The following MIB2 variants were observed in gnomAD, a reference collection of about 807,000 sequenced individuals.
MIB2 encodes MIB E3 ubiquitin protein ligase 2, also known as E3 ubiquitin-protein ligase MIB2.
Under a neutral mutation model 96.6 loss-of-function variants are expected in MIB2, and 78 were observed. The observed-to-expected ratio is 0.81, with a 90% CI of 0.67 to 0.97. The LOEUF (loss-of-function observed/expected upper bound fraction) is 0.97. MIB2 is among the 50% of genes least tolerant of loss of function. The pLI, the probability that MIB2 is intolerant of heterozygous loss-of-function variation, is 0.00. For synonymous variants in MIB2, 820 were observed against 629.5 expected (o/e 1.30, Z -4.53); for missense variants, 1,543 against 1,424.0 (o/e 1.08, Z -1.35).
At position 1,629,687 on chromosome 1, in the gene MIB2, G is replaced by A. The variant is rs1286290483; in HGVS notation, c.2612G>A (p.Ser871Asn). 3.1e-6 allele frequency: 5 copies of A among 1,598,396 alleles called. No individual in the cohort carries two copies. Among genetic ancestry groups the A allele is most frequent in the East Asian group, 2.3e-5 (1 of 43,720 alleles). The part of the protein sequence containing the change: ...KKCIRCQVVV[S>N]KKLRPDGSEV... ...TGCATCAGGTGCCAGGTGGTCGTCAGCAAGAAACTGCGCCCAGGTGGGTGA... is the reference window on the plus strand; with the variant it reads ...TGCATCAGGTGCCAGGTGGTCGTCAACAAGAAACTGCGCCCAGGTGGGTGA... Residue 871 changes from serine to asparagine, a missense_variant, in exon 19 of 20, where the codon AGC becomes AAC. Ser to Asn is a conservative substitution (Grantham distance 46). Coordinates refer to ENST00000355826, the MANE Select transcript of MIB2 (RefSeq NM_001170687.4).
chr1:1,621,312 TG>T (rs1644242590), intron 2 of MIB2, among the ~76,000 whole-genome samples: 1 of 152,168 alleles, frequency 6.6e-6, no homozygotes, highest in South Asian at 2.1e-4. Context: ...CTGCCGGCTG[TG>T]GAAGCCGCTC....
chr1:1,624,604 G>A, intron 4 of MIB2, 191 bp from the exon 5 acceptor site: 1 of 658,222 alleles, frequency 1.5e-6, no homozygotes, highest in South Asian at 1.7e-5. Flanking sequence ...GAGCCCAGGG[G>A]CATTTCCTCA....
rs907467643 is a variant in MIB2 at position 1,627,375 on chromosome 1, T to C, written c.1454T>C (p.Leu485Pro). Reference sequence around the variant, plus strand: ...CAGGTGGAGTTGATACGGCTGCTGCTACAAGCCAGGGCGGGCGTGGACCTG... The same window carrying C: ...CAGGTGGAGTTGATACGGCTGCTGCCACAAGCCAGGGCGGGCGTGGACCTG... ...LGQVELIRLL[L>P]QARAGVDLPD... Residue 485 changes from leucine (L) to proline (P), a missense_variant, in exon 12 of 20, where the codon CTA (leucine) becomes CCA (proline). Coordinates refer to ENST00000355826, the MANE Select transcript of MIB2 (RefSeq NM_001170687.4). 2 of 1,612,778 alleles carry C rather than the reference T, an allele frequency of 1.2e-6. No individual in the cohort carries two copies. Among genetic ancestry groups the C allele is most frequent in the African/African-American group, 1.3e-5 (1 of 74,882 alleles).
rs1011494623 is a variant in MIB2 at position 1,629,385 on chromosome 1, G to C, written c.2382G>C (p.Arg794=). ...CTCAAGCCGCCTCCTCCCCCTGCAG[G>C]GAGCGGCAGGCGGGCGGGGGCGCGG... is the stretch of plus-strand genomic sequence containing the variant. ...KALQGCAQRF[R]ERQAGGGAAP... The change falls in exon 18 of 20, where the codon CGG becomes CGC. Residue 794 remains arginine, a splice_region_variant and synonymous_variant. Transcript: ENST00000355826. 23 of 1,444,054 alleles carry C rather than the reference G, an allele frequency of 1.6e-5. 1 individual carries two copies. Among genetic ancestry groups the C allele is most frequent in the Non-Finnish European group, 2.0e-5 (22 of 1,112,174 alleles). The allele number at this position is 1,444,054 out of a possible 1,614,324, so 89.5% of individuals were successfully genotyped here.
Position 1,629,490 on chromosome 1 carries a change from C to A in MIB2, c.2487C>A (p.Ala829=). ...TGGGCGCCGCGCCGGGGCCCGAGGCCGCTGAGTGCCTGGTGTGCTCCGAGC... is the reference window on the plus strand; with the variant it reads ...TGGGCGCCGCGCCGGGGCCCGAGGCAGCTGAGTGCCTGGTGTGCTCCGAGC... ...LHVGAAPGPE[A]AECLVCSELA... The change falls in exon 18 of 20, where the codon GCC becomes GCA. Residue 829 remains alanine, a synonymous_variant. Coordinates refer to ENST00000355826, the MANE Select transcript of MIB2 (RefSeq NM_001170687.4). 6.5e-7 allele frequency: 1 copy of A among 1,533,918 alleles called. No individual in the cohort carries two copies.
At chr1:1,616,960 G>A (rs144513338) in intron 2 of MIB2, 2 of 267,966 alleles carry the variant, frequency 7.5e-6, no homozygotes, top group South Asian at 3.4e-5. Context: ...TCTCCTGGCC[G>A]AGGGCAGCCC....
chr1:1,615,959 C>G, intron 1 of MIB2: 1 of 986,652 alleles, frequency 1.0e-6, no homozygotes, highest in Non-Finnish European at 1.2e-6. Flanking sequence ...GCGCTCTGGC[C>G]TGGCCTGGCC....
intron 2 of MIB2, among the ~76,000 whole-genome samples, chr1:1,620,715 C>T (rs760215875): frequency 6.6e-6 from 1 of 152,254 alleles, no homozygotes; most frequent in Non-Finnish European, 1.5e-5. Flanking sequence ...CATGCCTCAC[C>T]CTTCTTGGGT....
At chr1:1,615,444 T>C (rs369229954), upstream of MIB2, 6 of 1,504,716 alleles carry the variant, frequency 4.0e-6, no homozygotes, top group East Asian at 5.2e-5. Flanking sequence ...CCCATCCCCG[T>C]GGCGGGGGCG....
Position 1,625,618 on chromosome 1 carries a change from A to G in MIB2, c.937A>G (p.Thr313Ala). 3.8e-6 allele frequency: 6 copies of G among 1,572,262 alleles called. No homozygotes were observed. The Admixed American group carries it at 9.2e-5, about 24-fold the overall frequency. The change falls in exon 8 of 20, where the codon ACG becomes GCG. Residue 313 changes from threonine to alanine, a missense_variant. Coordinates refer to ENST00000355826, the MANE Select transcript of MIB2 (RefSeq NM_001170687.4). This position sits in a 1 kb window ranked among gnomAD's most constrained non-coding sequence, Gnocchi z 5.0. ...GDVRVQFNHE[T>A]RWTFHPGALT... ...CGTGCGCGTGCAGTTCAACCACGAG[A>G]CGCGCTGGACCTTCCACCCCGGGGC...
In MIB2 at chr1:1,628,528, T is replaced by A. The variant is rs1237429124; in HGVS notation, c.2008T>A (p.Ser670Thr). ...DVNVRNRKLQ[S>T]PLHLAVQQAH... Reference sequence around the variant, plus strand: ...GAACGTGCGCAACCGGAAGCTGCAGTCCCCGCTGCATCTCGCCGTGCAACA... The same window carrying A: ...GAACGTGCGCAACCGGAAGCTGCAGACCCCGCTGCATCTCGCCGTGCAACA... The change falls in exon 16 of 20, where the codon TCC (serine) becomes ACC (threonine). Residue 670 changes from serine (S) to threonine (T), a missense_variant. Physicochemically the swap from Ser to Thr is moderately conservative, Grantham distance 58. Transcript: ENST00000355826. 1 of 1,600,990 alleles carries A rather than the reference T, an allele frequency of 6.2e-7. No individual in the cohort carries two copies. Among genetic ancestry groups the A allele is most frequent in the Non-Finnish European group, 8.5e-7 (1 of 1,178,640 alleles).
chr1:1,625,258 C>A lies in MIB2; in HGVS notation c.722-28C>A. On this transcript the variant is annotated intron_variant, in intron 6 of 19. Coordinates refer to ENST00000355826, the MANE Select transcript of MIB2 (RefSeq NM_001170687.4). The surrounding 1 kb of genome is among the most constrained non-coding windows in gnomAD (Gnocchi z 5.0). ...AGTCCCAGAGGGGAGGGGCCGCTGC[C>A]TGAGGCCTGGTCTGCCACCCTCCGC... 1 of 1,597,694 alleles carries A rather than the reference C, an allele frequency of 6.3e-7. No homozygotes were observed. Among genetic ancestry groups the A allele is most frequent in the Non-Finnish European group, 8.5e-7 (1 of 1,174,126 alleles).
rs749724347 is a variant in MIB2 at position 1,626,657 on chromosome 1, C to T, written c.980C>T (p.Ser327Phe). ...FHPGALTKHH[S>F]FWVGDVVRVI... is the part of the protein sequence containing the mutation. ...CCCCTCTTTGTCGCTCAGCACCACT[C>T]CTTCTGGGTGGGCGACGTGGTCCGG... The change falls in exon 9 of 20, where the codon TCC (serine) becomes TTC (phenylalanine). Residue 327 changes from serine to phenylalanine, a missense_variant. Ser to Phe is a radical substitution (Grantham distance 155, BLOSUM62 -2). Transcript: ENST00000355826. This position sits in a 1 kb window ranked among gnomAD's most constrained non-coding sequence, Gnocchi z 5.3. 7 of 1,574,922 alleles carry T rather than the reference C, an allele frequency of 4.4e-6. No individual in the cohort carries two copies. The East Asian group carries it at 1.1e-4, about 25-fold the overall frequency.
chr1:1,626,782 A>G lies in MIB2; in HGVS notation c.1077+28A>G. 2 of 1,576,962 alleles carry G rather than the reference A, an allele frequency of 1.3e-6. No homozygotes were observed. The highest frequency in any genetic ancestry group is 2.3e-5 in the South Asian group (2 of 88,748). On this transcript the variant is annotated intron_variant, in intron 9 of 19. Coordinates refer to ENST00000355826, the MANE Select transcript of MIB2 (RefSeq NM_001170687.4). This position sits in a 1 kb window ranked among gnomAD's most constrained non-coding sequence, Gnocchi z 5.3. ...GAGTCCCCCTGCCACCCCCGCCGCT[A>G]GCGCCGCTGCCCCCCACACCTGCAG...
intron 12 of MIB2, 23 bp downstream of exon 12, chr1:1,627,467 CCGGCGGGGCTG>C: frequency 6.3e-7 from 1 of 1,586,760 alleles, no homozygotes; most frequent in Non-Finnish European, 8.5e-7. Context: ...AGGGGCCCGG[CCGGCGGGGCTG>C]AGCCTGTGCG....
In MIB2 at chr1:1,625,852, A is replaced by T. The variant is rs1398505725; in HGVS notation, c.972+199A>T. On this transcript the variant is annotated intron_variant, in intron 8 of 19. Transcript: ENST00000355826. This position sits in a 1 kb window ranked among gnomAD's most constrained non-coding sequence, Gnocchi z 5.0. ...GGGGGTTGGGTGTGAAGGAACCCAG[A>T]GGAGGGTATGTCTCTGGGAGCTGGA... is the stretch of plus-strand genomic sequence containing the variant. 1.5e-5 allele frequency: 9 copies of T among 592,084 alleles called. No individual in the cohort carries two copies. The highest frequency in any genetic ancestry group is 2.7e-5 in the Non-Finnish European group (9 of 331,184). 36.7% of individuals were successfully genotyped at this position (592,084 alleles called of 1,614,324 possible). A position where few individuals can be genotyped will look rare whatever the true frequency, so the allele number is the denominator to read the frequency against.
rs749082684 is a variant in MIB2 at position 1,625,519 on chromosome 1, C to T, written c.865-27C>T. The stretch of plus-strand genomic sequence containing the variant: ...TCCTCCCCAAGCGTCCAGCCCGACC[C>T]AGCCACAGCTCCATGACCCGCCACA... On this transcript the variant is annotated intron_variant, in intron 7 of 19. Coordinates refer to ENST00000355826, the MANE Select transcript of MIB2 (RefSeq NM_001170687.4). This position sits in a 1 kb window ranked among gnomAD's most constrained non-coding sequence, Gnocchi z 5.0. 101 of 1,552,560 alleles carry T rather than the reference C, an allele frequency of 6.5e-5. No individual in the cohort carries two copies. In the East Asian group the frequency reaches 2.3e-3, roughly 35 times the overall value.
At chr1:1,615,122 G>C, upstream of MIB2, 1 of 336,218 alleles carries the variant, frequency 3.0e-6, no homozygotes, top group Non-Finnish European at 5.5e-6. Context: ...TCCAACTCTG[G>C]GGTGCAGAAC....
In MIB2 at chr1:1,623,875, C is replaced by G. The variant is rs1414986014; in HGVS notation, c.349C>G (p.Gln117Glu). Residue 117 changes from glutamine (Q) to glutamate (E), a missense_variant, in exon 4 of 20, where the codon CAG (glutamine) becomes GAG (glutamate). Gln to Glu is a conservative substitution (Grantham distance 29). Coordinates refer to ENST00000355826, the MANE Select transcript of MIB2 (RefSeq NM_001170687.4). ...RVCLDYDLCT[Q>E]CYMHNKHELA... Reference sequence around the variant, plus strand: ...GTGCCTGGACTACGACCTCTGCACGCAGTGCTACATGCACAACAAGCATGA... The same window carrying G: ...GTGCCTGGACTACGACCTCTGCACGGAGTGCTACATGCACAACAAGCATGA... 2 of 1,612,068 alleles carry G rather than the reference C, an allele frequency of 1.2e-6. No individual in the cohort carries two copies. Among genetic ancestry groups the G allele is most frequent in the Admixed American group, 1.7e-5 (1 of 59,932 alleles).
Sources: gnomAD v4.1 joint callset for allele counts (sites outside exome capture counted in the v4.1 genomes callset) on GRCh38, gnomAD v4.1.1 for gene constraint, Gnocchi (gnomAD v3.1) non-coding constraint, MANE v1.5 for transcripts, NCBI Gene and HGNC (gene_info 2026-07-23, HGNC 2026-07-21) for gene names.